HDGF: variants seen among roughly 807,000 people sequenced by gnomAD.
HDGF encodes heparin binding growth factor.
A neutral mutation model predicts 30.0 loss-of-function variants in HDGF; 5 were observed. The observed-to-expected ratio is 0.17, with a 90% CI of 0.09 to 0.35. The LOEUF is 0.35. Among genes scored for constraint, HDGF ranks in the 10% least tolerant of loss-of-function variants. The probability of loss-of-function intolerance (pLI) is 1.00; values close to 1 mark genes in which losing one functional copy is unlikely to be tolerated. For missense variants in HDGF, 214 were observed against 302.8 expected (o/e 0.71, Z 2.18); for synonymous variants, 133 against 112.7 (o/e 1.18, Z -1.14).
chr1:156,750,883 G>A (rs1033906487), intron 1 of HDGF, among the ~76,000 whole-genome samples: 43 of 151,894 alleles, frequency 2.8e-4, no homozygotes. Context: ...TATCCACGAA[G>A]AGAAGAGTTT....
intron 2 of HDGF, among the ~76,000 whole-genome samples, chr1:156,758,330 G>A (rs1389030930): frequency 2.0e-5 from 3 of 150,276 alleles, no homozygotes; most frequent in Non-Finnish European, 3.0e-5. Flanking sequence ...GGTGGCTCAC[G>A]CCTGTAATTC....
At chr1:156,765,757 G>A (rs1160258851) in intron 1 of HDGF, among the ~76,000 whole-genome samples, 1 of 152,106 alleles carries the variant, frequency 6.6e-6, no homozygotes, top group African/African-American at 2.4e-5. Context: ...ACAAGCGTGA[G>A]CCACCACACC....
rs1407195132 is a variant in HDGF, at chr1:156,751,445, GC to G, written c.-17del. On this transcript the variant is annotated 5_prime_UTR_variant, in exon 1 of 6. Transcript: ENST00000357325. This position sits in a 1 kb window ranked among gnomAD's most constrained non-coding sequence, Gnocchi z 4.7. ...ATCGCGACATGGCGGGGCTCCGGGC[GC>G]CCCGGGCTCCGCGCCGGGCCGGGAA... 3 of 1,543,654 alleles carry G rather than the reference GC, an allele frequency of 1.9e-6. No homozygotes were observed. Among genetic ancestry groups the G allele is most frequent in the Non-Finnish European group, 2.6e-6 (3 of 1,142,522 alleles).
intron 1 of HDGF, among the ~76,000 whole-genome samples, chr1:156,745,708 G>A (rs1455685957): frequency 6.6e-6 from 1 of 152,146 alleles, no homozygotes; most frequent in Non-Finnish European, 1.5e-5. Context: ...GCCAGAGTGG[G>A]CCTTTGGGAA....
upstream of HDGF, chr1:156,752,182 G>A (rs1470697650): frequency 6.4e-7 from 1 of 1,551,702 alleles, no homozygotes; most frequent in East Asian, 2.4e-5. Context: ...AGTGGGCGCC[G>A]TGCCGCTCCG....
chr1:156,765,080 C>T lies in HDGF; in HGVS notation n.136+1710G>A, dbSNP rs550115302. On this transcript the variant is annotated intron_variant and non_coding_transcript_variant, in intron 1 of 7. Coordinates refer to the HDGF transcript ENST00000465180. ...GGACAGGGCTCTGTAATACTTTATCCGCGCCCCCCCCGCCCTTTTTTTTTT... is the reference window on the plus strand; with the variant it reads ...GGACAGGGCTCTGTAATACTTTATCTGCGCCCCCCCCGCCCTTTTTTTTTT... Among the ~76,000 whole-genome samples, 22 of 150,656 alleles carry T rather than the reference C, an allele frequency of 1.5e-4. No individual in the cohort carries two copies. In the East Asian group the frequency reaches 4.1e-3, roughly 28 times the overall value.
intron 4 of HDGF, 136 bp downstream of exon 4, chr1:156,744,027 T>C: frequency 1.9e-6 from 2 of 1,079,152 alleles, no homozygotes; most frequent in South Asian, 2.6e-5. Flanking sequence ...TCCCATCTGG[T>C]CAGCTGGGGA....
exon 2 of HDGF, chr1:156,759,006 G>T (rs1444797707): frequency 2.0e-5 from 3 of 152,330 alleles, no homozygotes; most frequent in Admixed American, 6.5e-5. Flanking sequence ...GGACTGTGGA[G>T]GCTCCTGGGG....
chr1:156,750,563 G>C (rs1650893661), intron 1 of HDGF: 1 of 152,420 alleles, frequency 6.6e-6, no homozygotes, highest in Non-Finnish European at 1.5e-5. Context: ...CTGAGCGGGG[G>C]AAGGAACTTG....
rs555647453 is a variant in HDGF at position 156,751,230 on chromosome 1, A to T, written c.87+113T>A. The T allele has an allele frequency of 2.4e-4, 308 of 1,298,558 alleles. No individual in the cohort carries two copies. Among genetic ancestry groups the T allele is most frequent in the Non-Finnish European group, 2.8e-4 (283 of 999,396 alleles). The allele number at this position is 1,298,558 out of a possible 1,614,324, so 80.4% of individuals were successfully genotyped here. A position where few individuals can be genotyped will look rare whatever the true frequency, so the allele number is the denominator to read the frequency against. On this transcript the variant is annotated intron_variant, in intron 1 of 5. Transcript: ENST00000357325. The surrounding 1 kb of genome is among the most constrained non-coding windows in gnomAD (Gnocchi z 4.7). ...GCGACAGAGAAAGAGCCGGAGACCTACAAGCCCCCTGCCCCCACCTCTGCC... is the reference window on the plus strand; with the variant it reads ...GCGACAGAGAAAGAGCCGGAGACCTTCAAGCCCCCTGCCCCCACCTCTGCC...
intron 3 of HDGF, 190 bp from the exon 4 acceptor site, chr1:156,744,538 G>A: frequency 1.3e-6 from 2 of 1,548,712 alleles, no homozygotes; most frequent in Non-Finnish European, 1.7e-6. Flanking sequence ...CCACTGGCCG[G>A]GCAGGCAGGG....
chr1:156,753,819 G>A (rs541272544), upstream of HDGF, among the ~76,000 whole-genome samples: 3 of 152,226 alleles, frequency 2.0e-5, no homozygotes, highest in African/African-American at 7.2e-5. Flanking sequence ...CAAAGTGCTG[G>A]GGTTACAGGC....
chr1:156,764,843 G>A (rs150722948), intron 1 of HDGF, among the ~76,000 whole-genome samples: 4 of 147,892 alleles, frequency 2.7e-5, no homozygotes, highest in Non-Finnish European at 4.5e-5. Flanking sequence ...CCAAATTTGC[G>A]CCACTGCACT....
At chr1:156,751,953 G>A (rs879826652), upstream of HDGF, 4 of 1,294,886 alleles carry the variant, frequency 3.1e-6, no homozygotes, top group African/African-American at 4.5e-5. This position sits in a 1 kb window ranked among gnomAD's most constrained non-coding sequence, Gnocchi z 4.7. Context: ...CCCGCGGTCG[G>A]TGGGTGCCCG....
intron 1 of HDGF, among the ~76,000 whole-genome samples, chr1:156,762,023 T>A (rs1651258207): frequency 6.7e-6 from 1 of 150,174 alleles, no homozygotes; most frequent in Admixed American, 6.6e-5. Context: ...GCCTGTAAGG[T>A]CCCAGCTACT....
At chr1:156,761,329 C>T (rs1324002625) in intron 1 of HDGF, among the ~76,000 whole-genome samples, 1 of 149,718 alleles carries the variant, frequency 6.7e-6, no homozygotes, top group Non-Finnish European at 1.5e-5. Flanking sequence ...AAAAATAAGG[C>T]CGGGCGCAGT....
rs141567657 is a variant in HDGF, at chr1:156,764,440, G to A, written n.136+2350C>T. ...TGGAACTCCTGACCTCAGGGGATCC[G>A]CCCGCCTCAGCCTCCCAAAGTGCTG... On this transcript the variant is annotated intron_variant and non_coding_transcript_variant, in intron 1 of 7. Transcript: ENST00000465180. Among the ~76,000 whole-genome samples the A allele has an allele frequency of 7.9e-3, 1,161 of 146,734 alleles. 13 individuals are homozygous for A. Among genetic ancestry groups the A allele is most frequent in the African/African-American group, 0.027 (1,064 of 39,712 alleles).
intron 1 of HDGF, among the ~76,000 whole-genome samples, chr1:156,762,146 GA>G (rs1260587369): frequency 6.9e-6 from 1 of 144,138 alleles, no homozygotes; most frequent in Non-Finnish European, 1.5e-5. Context: ...TGAATTAAGG[GA>G]AAAAAAAATT....
chr1:156,754,899 G>C (rs1275372301), upstream of HDGF, among the ~76,000 whole-genome samples: 1 of 152,238 alleles, frequency 6.6e-6, no homozygotes, highest in Non-Finnish European at 1.5e-5. Context: ...AGTGAGCTGA[G>C]ATCGCACCAT....
Sources: gnomAD v4.1 joint callset for allele counts (sites outside exome capture counted in the v4.1 genomes callset) on GRCh38, gnomAD v4.1.1 for gene constraint, Gnocchi (gnomAD v3.1) non-coding constraint, MANE v1.5 for transcripts, NCBI Gene and HGNC (gene_info 2026-07-23, HGNC 2026-07-21) for gene names.